TFCP2L1: variants seen among roughly 807,000 people sequenced by gnomAD.
TFCP2L1 encodes the protein transcription factor CP2-like protein 1.
Under a neutral mutation model 72.2 loss-of-function variants are expected in TFCP2L1, and 12 were observed. That is an observed-to-expected ratio of 0.17 (90% confidence interval 0.11 to 0.27). TFCP2L1 has a LOEUF of 0.27. TFCP2L1 is among the 10% of genes least tolerant of loss of function. The pLI is 1.00. For synonymous variants in TFCP2L1, 260 were observed against 251.0 expected, an observed-to-expected ratio of 1.04 and a Z score of -0.34; for missense variants, 488 against 624.6, an observed-to-expected ratio of 0.78 and a Z score of 2.33.
chr2:121,254,749 G>A (rs1464771004), intron 2 of TFCP2L1, among the ~76,000 whole-genome samples: 2 of 151,724 alleles, frequency 1.3e-5, no homozygotes. Flanking sequence ...GTTGAAGTGA[G>A]CCAAGATCAT....
In TFCP2L1 at chr2:121,223,256, C is replaced by T. The variant is rs1389346351; in HGVS notation, c.*1085G>A. On this transcript the variant is annotated 3_prime_UTR_variant, in exon 15 of 15. Transcript: ENST00000263707. The stretch of plus-strand genomic sequence containing the variant: ...CAAAGACGAATTTCTGAGTCTACCA[C>T]AGTTACTGACACTCAAATTTCCCGA... 6.8e-6 allele frequency: 1 copy of T among 147,614 alleles called. No individual in the cohort carries two copies. The highest frequency in any genetic ancestry group is 1.5e-5 in the Non-Finnish European group (1 of 66,060). 9.1% of individuals were successfully genotyped at this position (147,614 alleles called of 1,614,324 possible). A position where few individuals can be genotyped will look rare whatever the true frequency, so the allele number is the denominator to read the frequency against.
intron 2 of TFCP2L1, among the ~76,000 whole-genome samples, chr2:121,259,199 C>T (rs1252883119): frequency 6.6e-6 from 1 of 151,968 alleles, no homozygotes; most frequent in Non-Finnish European, 1.5e-5. Flanking sequence ...AGGACAATCA[C>T]TTGAATCCAG....
rs765393057 is a variant in TFCP2L1, at chr2:121,249,000, C to T, written c.379G>A (p.Asp127Asn). ...GACTCACCGATGTCCAGGATCCGGT[C>T]CCCTGGCCGACTCCACCGCCAGCCC... ...LEGWRWSRPG[D>N]RILDIDIPLS... The change falls in exon 4 of 15, where the codon GAC (aspartate) becomes AAC (asparagine). Residue 127 changes from aspartate to asparagine, a missense_variant. Coordinates refer to ENST00000263707, the MANE Select transcript of TFCP2L1 (RefSeq NM_014553.3). 1.2e-6 allele frequency: 2 copies of T among 1,601,820 alleles called. No homozygotes were observed. Among genetic ancestry groups the T allele is most frequent in the Non-Finnish European group, 8.5e-7 (1 of 1,174,832 alleles).
chr2:121,270,058 A>G (rs1015172160), intron 2 of TFCP2L1, among the ~76,000 whole-genome samples: 2 of 152,018 alleles, frequency 1.3e-5, no homozygotes, highest in Non-Finnish European at 2.9e-5. Flanking sequence ...AAGGATGAAA[A>G]TCTCACTAGA....
intron 1 of TFCP2L1, among the ~76,000 whole-genome samples, chr2:121,281,938 C>CG (rs1325026439): frequency 3.4e-5 from 4 of 116,586 alleles, no homozygotes; most frequent in East Asian, 2.8e-4. Context: ...TTTTTTTGGG[C>CG]GGGGGCGGGG....
rs192280777 is a variant in TFCP2L1 at position 121,218,820 on chromosome 2, T to C, written c.*5521A>G. ...AGATCTGTTAGCTGTGACCCATAGA[T>C]TGGGGGAGGGAGGAAAGCCAGGAGG... On this transcript the variant is annotated 3_prime_UTR_variant, in exon 15 of 15. Transcript: ENST00000263707. 442 of 152,308 alleles carry C rather than the reference T, an allele frequency of 2.9e-3. 2 individuals are homozygous for C. Among genetic ancestry groups the C allele is most frequent in the Non-Finnish European group, 4.6e-3 (311 of 68,150 alleles). The allele number at this position is 152,308 out of a possible 1,614,324, so 9.4% of individuals were successfully genotyped here.
intron 3 of TFCP2L1, 85 bp downstream of exon 3, chr2:121,249,486 C>T (rs985411256): frequency 6.1e-6 from 8 of 1,315,686 alleles, no homozygotes; most frequent in Middle Eastern, 5.0e-4. Context: ...TCCAGCTACC[C>T]GTGCCCAACC....
At chr2:121,259,045 C>T (rs1469543091) in intron 2 of TFCP2L1, among the ~76,000 whole-genome samples, 11 of 152,022 alleles carry the variant, frequency 7.2e-5, no homozygotes, top group Admixed American at 4.6e-4. Context: ...GTCAGGAGTT[C>T]GAGACCAGCC....
intron 2 of TFCP2L1, among the ~76,000 whole-genome samples, chr2:121,263,442 C>T (rs891261092): frequency 1.1e-4 from 7 of 63,922 alleles, no homozygotes; most frequent in African/African-American, 4.4e-4. Flanking sequence ...GAAAAATGAG[C>T]AATGGATATC....
rs1409471477 is a variant in TFCP2L1, at chr2:121,222,328, T to C, written c.*2013A>G. ...TATTGCTAAAAGAAATGAAAACATA[T>C]GTCCACACAAAATCTTGTAGAAATA... On this transcript the variant is annotated 3_prime_UTR_variant, in exon 15 of 15. Transcript: ENST00000263707. 6.6e-6 allele frequency: 1 copy of C among 152,202 alleles called. No homozygotes were observed. Among genetic ancestry groups the C allele is most frequent in the African/African-American group, 2.4e-5 (1 of 41,458 alleles). 9.4% of individuals were successfully genotyped at this position (152,202 alleles called of 1,614,324 possible).
intron 8 of TFCP2L1, among the ~76,000 whole-genome samples, chr2:121,239,083 T>C (rs1172945896): frequency 6.6e-6 from 1 of 152,154 alleles, no homozygotes; most frequent in African/African-American, 2.4e-5. Context: ...GTGGCCTGTG[T>C]GTCTGCAGAG....
At chr2:121,248,097 A>G in intron 5 of TFCP2L1, 67 bp downstream of exon 5, 1 of 1,431,892 alleles carries the variant, frequency 7.0e-7, no homozygotes. Flanking sequence ...GTTAGTTTTG[A>G]GAAACTGCAC....
chr2:121,255,871 T>TA (rs1686707287), intron 2 of TFCP2L1, among the ~76,000 whole-genome samples: 1 of 151,902 alleles, frequency 6.6e-6, no homozygotes, highest in Non-Finnish European at 1.5e-5. Context: ...GGCTCCCGAG[T>TA]AGCTGGGACT....
intron 2 of TFCP2L1, among the ~76,000 whole-genome samples, chr2:121,252,658 G>A (rs1333737040): frequency 1.3e-5 from 2 of 152,096 alleles, no homozygotes; most frequent in Non-Finnish European, 2.9e-5. Context: ...AGGAAGCCTG[G>A]GGCCACCAAA....
intron 8 of TFCP2L1, among the ~76,000 whole-genome samples, chr2:121,238,629 C>T (rs1354445079): frequency 2.0e-5 from 3 of 152,144 alleles, no homozygotes; most frequent in Non-Finnish European, 4.4e-5. Context: ...CGCCACTTCT[C>T]GCCAAGTGTC....
At chr2:121,269,134 G>C (rs947269975) in intron 2 of TFCP2L1, among the ~76,000 whole-genome samples, 1 of 152,016 alleles carries the variant, frequency 6.6e-6, no homozygotes, top group Non-Finnish European at 1.5e-5. Flanking sequence ...CAATAAACCG[G>C]ATAATAAAAA....
chr2:121,261,219 G>C (rs139534700), intron 2 of TFCP2L1, among the ~76,000 whole-genome samples: 1 of 152,172 alleles, frequency 6.6e-6, no homozygotes, highest in Non-Finnish European at 1.5e-5. Flanking sequence ...CAGGGCATTT[G>C]ACCTTCTTTT....
chr2:121,257,799 AT>A (rs1686757399), intron 2 of TFCP2L1, among the ~76,000 whole-genome samples: 1 of 152,042 alleles, frequency 6.6e-6, no homozygotes, highest in South Asian at 2.1e-4. Context: ...TTTTCATATA[AT>A]TTTTCTTCTT....
intron 14 of TFCP2L1, among the ~76,000 whole-genome samples, chr2:121,224,950 C>A (rs11894452): frequency 0.34 from 50,152 of 149,008 alleles, 8,771 homozygotes; most frequent in South Asian, 0.48. Context: ...GCGCCATTGC[C>A]CTCCAGCCTG....
Sources: gnomAD v4.1 joint callset for allele counts (sites outside exome capture counted in the v4.1 genomes callset) on GRCh38, gnomAD v4.1.1 for gene constraint, MANE v1.5 for transcripts, NCBI Gene and HGNC (gene_info 2026-07-23, HGNC 2026-07-21) for gene names.